GABRB2: variants seen among roughly 807,000 people sequenced by gnomAD.
GABRB2 encodes the protein gamma-aminobutyric acid type A receptor subunit beta2.
In GABRB2, 16 loss-of-function variants were observed where a neutral mutation model predicts 54.7. That is an observed-to-expected ratio of 0.29 (90% CI 0.20 to 0.44). The LOEUF (loss-of-function observed/expected upper bound fraction) is 0.44. GABRB2 is among the 20% of genes least tolerant of loss of function. The probability of loss-of-function intolerance (pLI) is 1.00; values close to 1 mark genes in which losing one functional copy is unlikely to be tolerated. For missense variants in GABRB2, 355 were observed against 644.0 expected (o/e 0.55, Z 4.86); for synonymous variants, 244 against 233.8 (o/e 1.04, Z -0.40).
chr5:161,433,806 T>C (rs1757239044), intron 4 of GABRB2, among the ~76,000 whole-genome samples: 1 of 152,166 alleles, frequency 6.6e-6, no homozygotes, highest in Admixed American at 6.6e-5. Flanking sequence ...CCCTGCAGGA[T>C]GATTCTCTGT....
chr5:161,314,173 A>C (rs1300421861), intron 9 of GABRB2, among the ~76,000 whole-genome samples: 1 of 152,196 alleles, frequency 6.6e-6, no homozygotes, highest in Non-Finnish European at 1.5e-5. Flanking sequence ...GTGAGGACTC[A>C]CTATTACAGT....
At chr5:161,485,806 T>C (rs1202865809) in intron 3 of GABRB2, among the ~76,000 whole-genome samples, 1 of 151,750 alleles carries the variant, frequency 6.6e-6, no homozygotes, top group Non-Finnish European at 1.5e-5. Flanking sequence ...TTGTAGCAAT[T>C]TGGAAAAAAA....
intron 4 of GABRB2, among the ~76,000 whole-genome samples, chr5:161,417,474 A>G (rs994603518): frequency 6.6e-6 from 1 of 152,184 alleles, no homozygotes; most frequent in Non-Finnish European, 1.5e-5. Flanking sequence ...GACTCCAGAG[A>G]CCACATTTTT....
chr5:161,416,544 GA>G lies in GABRB2; in HGVS notation c.459-5488del, dbSNP rs202213519. 6.7e-3 allele frequency among the ~76,000 whole-genome samples: 985 copies of G among 148,066 alleles called. 12 individuals are homozygous for G. The highest frequency in any genetic ancestry group is 0.022 in the African/African-American group (872 of 40,452). ...AAGCAACCATCCAATTATTCCACGA[GA>G]AAAAAAAAAATTAAACATCTTTGAA... On this transcript the variant is annotated intron_variant, in intron 4 of 9. Transcript: ENST00000393959.
chr5:161,350,523 A>G (rs79308409), intron 5 of GABRB2, among the ~76,000 whole-genome samples: 1 of 152,294 alleles, frequency 6.6e-6, no homozygotes, highest in East Asian at 1.9e-4. Flanking sequence ...CACTCATAAA[A>G]TACATCGAAG....
rs976630607 is a variant in GABRB2 at position 161,290,116 on chromosome 5, T to G, written c.*3965A>C. On this transcript the variant is annotated 3_prime_UTR_variant, in exon 10 of 10. Coordinates refer to ENST00000393959, the MANE Select transcript of GABRB2 (RefSeq NM_001371727.1). ...TTAAAAATATTTAAGAAATCTGTTT[T>G]AATATTTACACACGTTCAGTGAAAG... The G allele has an allele frequency of 6.6e-6, 1 of 152,572 alleles. No homozygotes were observed. The highest frequency in any genetic ancestry group is 1.5e-5 in the Non-Finnish European group (1 of 68,010). The allele number at this position is 152,572 out of a possible 1,614,324, so 9.5% of individuals were successfully genotyped here. A position where few individuals can be genotyped will look rare whatever the true frequency, so the allele number is the denominator to read the frequency against.
chr5:161,418,301 A>G (rs557302574), intron 4 of GABRB2, among the ~76,000 whole-genome samples: 153 of 152,298 alleles, frequency 1.0e-3, no homozygotes, highest in Non-Finnish European at 1.9e-3. Context: ...TTGATGACCA[A>G]CCTTTCTCAT....
At chr5:161,535,813 G>A (rs924640385) in intron 3 of GABRB2, among the ~76,000 whole-genome samples, 7 of 152,134 alleles carry the variant, frequency 4.6e-5, no homozygotes, top group African/African-American at 1.7e-4. Flanking sequence ...TGGCTCTGTT[G>A]GGAGTTTGGG....
At chr5:161,477,215 C>A (rs1451728227) in intron 3 of GABRB2, among the ~76,000 whole-genome samples, 1 of 143,330 alleles carries the variant, frequency 7.0e-6, no homozygotes. Context: ...AAATGCAAAT[C>A]AAAACTACAA....
intron 8 of GABRB2, among the ~76,000 whole-genome samples, chr5:161,327,745 C>T (rs1216799682): frequency 2.0e-5 from 3 of 152,170 alleles, no homozygotes; most frequent in Admixed American, 6.5e-5. Context: ...TGACACACTC[C>T]TTCCATCTTT....
chr5:161,319,573 A>C lies in GABRB2; in HGVS notation c.1191+6795T>G, dbSNP rs931029486. ...TTCAGTTGAAAAATCAATTTCAAAAAAATTTTCCCCACTAATGTTCACCAG... is the reference window on the plus strand; with the variant it reads ...TTCAGTTGAAAAATCAATTTCAAAACAATTTTCCCCACTAATGTTCACCAG... On this transcript the variant is annotated intron_variant, in intron 9 of 9. Coordinates refer to ENST00000393959, the MANE Select transcript of GABRB2 (RefSeq NM_001371727.1). 9.2e-5 allele frequency among the ~76,000 whole-genome samples: 14 copies of C among 151,630 alleles called. 1 individual carries two copies. The highest frequency in any genetic ancestry group is 3.1e-4 in the African/African-American group (13 of 41,514).
At chr5:161,359,991 G>C (rs1035392527) in intron 5 of GABRB2, among the ~76,000 whole-genome samples, 2 of 151,982 alleles carry the variant, frequency 1.3e-5, no homozygotes, top group African/African-American at 4.8e-5. Flanking sequence ...TGAGGCAGGA[G>C]AATCACTTGA....
intron 3 of GABRB2, among the ~76,000 whole-genome samples, chr5:161,465,014 T>C (rs576511875): frequency 2.6e-5 from 4 of 152,154 alleles, no homozygotes; most frequent in Admixed American, 6.6e-5. Flanking sequence ...CAGAACTGTA[T>C]ACCAAAGCGA....
chr5:161,392,710 A>G (rs1161706071), intron 5 of GABRB2, among the ~76,000 whole-genome samples: 2 of 152,198 alleles, frequency 1.3e-5, no homozygotes, highest in Non-Finnish European at 2.9e-5. Context: ...TGGCACATAG[A>G]AAGTGTTTAA....
chr5:161,336,559 C>T, intron 6 of GABRB2, 73 bp downstream of exon 6: 7 of 1,531,394 alleles, frequency 4.6e-6, no homozygotes, highest in Non-Finnish European at 6.2e-6. Context: ...GGACAGAACT[C>T]TAATATAAGT....
chr5:161,471,103 A>G (rs1758426306), intron 3 of GABRB2, among the ~76,000 whole-genome samples: 1 of 151,910 alleles, frequency 6.6e-6, no homozygotes, highest in African/African-American at 2.4e-5. Context: ...ACACCCTCAG[A>G]GCTACTGGTG....
chr5:161,337,554 A>G (rs749397669), intron 5 of GABRB2, among the ~76,000 whole-genome samples: 2 of 152,114 alleles, frequency 1.3e-5, no homozygotes, highest in Non-Finnish European at 2.9e-5. Context: ...ATCAGGGCAC[A>G]GTTGCTGGGG....
At chr5:161,348,787 T>A (rs1000891584) in intron 5 of GABRB2, among the ~76,000 whole-genome samples, 1 of 152,112 alleles carries the variant, frequency 6.6e-6, no homozygotes, top group African/African-American at 2.4e-5. Context: ...AGGTCATTGT[T>A]ATGTTTTAGA....
intron 9 of GABRB2, among the ~76,000 whole-genome samples, chr5:161,323,419 G>C (rs1185306585): frequency 6.6e-6 from 1 of 152,132 alleles, no homozygotes. Context: ...TCGCATAGCT[G>C]TCATGCTGTT....
Sources: allele counts gnomAD v4.1 joint callset (sites outside exome capture counted in the v4.1 genomes callset), GRCh38; gene constraint gnomAD v4.1.1; transcripts MANE v1.5; gene names NCBI Gene and HGNC (gene_info 2026-07-23, HGNC 2026-07-21).